Variants in CEP250 observed in about 807,000 individuals in gnomAD.
CEP250 encodes the protein centrosome-associated protein CEP250.
A neutral mutation model predicts 315.7 loss-of-function variants in CEP250; 242 were observed. The ratio of observed to expected loss-of-function variants is 0.77; its 90% CI spans 0.69 to 0.85. CEP250 has a LOEUF of 0.85. CEP250 is among the 40% of genes least tolerant of loss of function. The probability of loss-of-function intolerance (pLI) is 0.00; values close to 1 mark genes in which losing one functional copy is unlikely to be tolerated. For missense variants in CEP250, 2,515 were observed against 2,886.4 expected (o/e 0.87, Z 2.95); for synonymous variants, 1,088 against 1,175.0 (o/e 0.93, Z 1.51).
At position 35,504,845 on chromosome 20, in the gene CEP250, T is replaced by G; in HGVS notation, c.6476T>G (p.Leu2159Arg). ...GAGCTGGAGCGGCTACAGGCAGCCC[T>G]GAGACAGACAGAAGCCAGGGAGATT... Reference protein sequence around the residue: ...QRELERLQAALRQTEAREIEW... With the variant: ...QRELERLQAARRQTEAREIEW... The change falls in exon 30 of 35, where the codon CTG becomes CGG. Residue 2159 changes from leucine to arginine, a missense_variant. Physicochemically the swap from Leu to Arg is moderately radical, Grantham distance 102. Transcript: ENST00000397527. 1 of 1,614,178 alleles carries G rather than the reference T, an allele frequency of 6.2e-7. No homozygotes were observed. The highest frequency in any genetic ancestry group is 1.7e-5 in the Admixed American group (1 of 60,028).
Position 35,474,029 on chromosome 20 carries a change from G to T in CEP250, c.1548G>T (p.Leu516=). ...QKEEQQEELH[L]AVRERERLQE... is the part of the protein sequence containing the mutation. The stretch of plus-strand genomic sequence containing the variant: ...AGGAACAGCAGGAGGAGCTGCACCT[G>T]GCTGTCCGGGAGAGGGAGCGTCTGT... The change falls in exon 14 of 35, where the codon CTG becomes CTT. Residue 516 remains leucine (L), a synonymous_variant. Transcript: ENST00000397527. 6.3e-7 allele frequency: 1 copy of T among 1,581,726 alleles called. No individual in the cohort carries two copies. Among genetic ancestry groups the T allele is most frequent in the Non-Finnish European group, 8.6e-7 (1 of 1,167,070 alleles).
intron 6 of CEP250, 99 bp downstream of exon 6, chr20:35,465,924 T>C: frequency 1.3e-6 from 2 of 1,527,462 alleles, no homozygotes; most frequent in Non-Finnish European, 1.8e-6. Context: ...ACTTCAGCCA[T>C]AGCCCTCTAA....
At chr20:35,472,554 C>T (rs757752796) in intron 11 of CEP250, 119 bp from the exon 12 acceptor site, 66 of 1,044,906 alleles carry the variant, frequency 6.3e-5, no homozygotes, top group Non-Finnish European at 9.2e-5. Flanking sequence ...CCCTCCTTCC[C>T]CCAGGGGAGA....
chr20:35,482,437 C>T (rs962034205), intron 20 of CEP250, among the ~76,000 whole-genome samples: 4 of 150,550 alleles, frequency 2.7e-5, no homozygotes, highest in African/African-American at 7.5e-5. Context: ...TTTTTGTATT[C>T]ACCGTGTTAG....
intron 1 of CEP250, among the ~76,000 whole-genome samples, chr20:35,456,267 G>T (rs767016447): frequency 1.3e-5 from 2 of 152,212 alleles, no homozygotes; most frequent in African/African-American, 2.4e-5. Flanking sequence ...TACCCATGAA[G>T]AAACTGAGGT....
In CEP250 at chr20:35,476,490, C is replaced by A. The variant is rs2063177658; in HGVS notation, c.1758C>A (p.Thr586=). 1 of 1,613,850 alleles carries A rather than the reference C, an allele frequency of 6.2e-7. No homozygotes were observed. Among genetic ancestry groups the A allele is most frequent in the African/African-American group, 1.3e-5 (1 of 74,874 alleles). Reference sequence around the variant, plus strand: ...CAGAGCTGTCGAGTTCTGAAAACACCCTGAAGACAGAAGTAGCTGATCTTC... The same window carrying A: ...CAGAGCTGTCGAGTTCTGAAAACACACTGAAGACAGAAGTAGCTGATCTTC... ...SIAELSSSEN[T]LKTEVADLRA... The change falls in exon 16 of 35, where the codon ACC becomes ACA. Residue 586 remains threonine, a synonymous_variant. Transcript: ENST00000397527.
At chr20:35,476,325 C>T (rs2063172696) in intron 15 of CEP250, 124 bp from the exon 16 acceptor site, 4 of 825,730 alleles carry the variant, frequency 4.8e-6, no homozygotes, top group South Asian at 1.8e-5. Context: ...GTTTAGAATG[C>T]AGGAGAGGGA....
intron 20 of CEP250, 150 bp from the exon 21 acceptor site, chr20:35,490,487 G>C: frequency 3.8e-6 from 2 of 522,186 alleles, no homozygotes; most frequent in Non-Finnish European, 6.5e-6. Context: ...GGGAATATTA[G>C]CCTTGCTTTA....
chr20:35,498,262 T>C (rs567718873), intron 26 of CEP250, among the ~76,000 whole-genome samples, 195 bp downstream of exon 26: 1 of 152,376 alleles, frequency 6.6e-6, no homozygotes, highest in South Asian at 2.1e-4. Context: ...ACCTGTCCTC[T>C]CTGAGCTTGA....
In CEP250 at chr20:35,504,850, C is replaced by T. The variant is rs1310815078; in HGVS notation, c.6481C>T (p.Gln2161Ter). 6.2e-7 allele frequency: 1 copy of T among 1,614,210 alleles called. No individual in the cohort carries two copies. ...GGAGCGGCTACAGGCAGCCCTGAGA[C>T]AGACAGAAGCCAGGGAGATTGAGTG... is the stretch of plus-strand genomic sequence containing the variant. ...ELERLQAALRQTEAREIEWRE... is the reference protein window; with the variant it reads ...ELERLQAALR The change falls in exon 30 of 35, where the codon CAG becomes TAG. Residue 2161 changes from glutamine to a stop codon, truncating the protein, a stop_gained. Coordinates refer to ENST00000397527, the MANE Select transcript of CEP250 (RefSeq NM_007186.6). LOFTEE classifies it high-confidence loss of function.
chr20:35,501,286 G>A (rs939019604), intron 28 of CEP250, among the ~76,000 whole-genome samples: 1 of 152,082 alleles, frequency 6.6e-6, no homozygotes. Flanking sequence ...GCAGTGAGCC[G>A]AGATTGTGCC....
chr20:35,497,785 C>T lies in CEP250; in HGVS notation c.3373C>T (p.Leu1125=). Residue 1125 remains leucine, a synonymous_variant, in exon 26 of 35, where the codon CTG becomes TTG. Coordinates refer to ENST00000397527, the MANE Select transcript of CEP250 (RefSeq NM_007186.6). The part of the protein sequence containing the change: ...ADFLAQEAQL[L]EELEASHITE... ...CTTTCTGGCCCAGGAAGCACAGCTG[C>T]TGGAGGAGCTGGAGGCGTCTCATAT... The T allele has an allele frequency of 6.4e-7, 1 of 1,559,852 alleles. No homozygotes were observed. Among genetic ancestry groups the T allele is most frequent in the Non-Finnish European group, 8.7e-7 (1 of 1,151,390 alleles).
chr20:35,508,842 C>T, intron 32 of CEP250, 101 bp from the exon 33 acceptor site: 1 of 907,610 alleles, frequency 1.1e-6, no homozygotes, highest in Non-Finnish European at 1.7e-6. Context: ...TTACTGTCCC[C>T]TCATATACCT....
rs745566467 is a variant in CEP250 at position 35,472,788 on chromosome 20, C to G, written c.1166C>G (p.Thr389Ser). 1.2e-6 allele frequency: 2 copies of G among 1,614,198 alleles called. No homozygotes were observed. Among genetic ancestry groups the G allele is most frequent in the Non-Finnish European group, 1.7e-6 (2 of 1,180,026 alleles). The change falls in exon 12 of 35, where the codon ACT (threonine) becomes AGT (serine). Residue 389 changes from threonine (T) to serine (S), a missense_variant. Physicochemically the swap from Thr to Ser is moderately conservative, Grantham distance 58. Transcript: ENST00000397527. ...TACCAGGATGCAGACAAGGCTCTTA[C>G]TCTGGTGCGTTCAGTGCTGACTCGG... The part of the protein sequence containing the change: ...FDYQDADKAL[T>S]LVRSVLTRRR...
chr20:35,502,367 T>A, intron 29 of CEP250, 23 bp from the exon 30 acceptor site: 1 of 1,584,418 alleles, frequency 6.3e-7, no homozygotes, highest in Non-Finnish European at 8.6e-7. Context: ...TAGTCTAAAG[T>A]GGCTTTTCAT....
At position 35,502,716 on chromosome 20, in the gene CEP250, G is replaced by T. The variant is rs758304781; in HGVS notation, c.4347G>T (p.Lys1449Asn). The change falls in exon 30 of 35, where the codon AAG becomes AAT. Residue 1449 changes from lysine (K) to asparagine (N), a missense_variant. Transcript: ENST00000397527. ...GGGGACAAATCCAGGAACTGGAGAA[G>T]CAACGGGAAATGCAGAAGGCTGCTT... ...TLRGQIQELE[K>N]QREMQKAALE... 1.1e-5 allele frequency: 18 copies of T among 1,614,254 alleles called. 1 individual carries two copies. In the South Asian group the frequency reaches 2.0e-4, roughly 18 times the overall value.
intron 28 of CEP250, 82 bp from the exon 29 acceptor site, chr20:35,501,763 T>C: frequency 4.2e-6 from 6 of 1,436,734 alleles, no homozygotes; most frequent in Non-Finnish European, 5.6e-6. Flanking sequence ...TTCCCCATCC[T>C]CCATCTGCCT....
intron 7 of CEP250, 60 bp from the exon 8 acceptor site, chr20:35,466,906 T>C (rs1184506987): frequency 1.9e-6 from 2 of 1,071,826 alleles, no homozygotes; most frequent in Non-Finnish European, 2.9e-6. Flanking sequence ...TCCAAGACTC[T>C]TGTGTTGGCA....
intron 24 of CEP250, 59 bp downstream of exon 24, chr20:35,494,716 A>G (rs1307962536): frequency 6.3e-7 from 1 of 1,597,680 alleles, no homozygotes; most frequent in Non-Finnish European, 8.5e-7. Context: ...GGTCACTGTG[A>G]TATTGACAGT....
Sources: allele counts gnomAD v4.1 joint callset (sites outside exome capture counted in the v4.1 genomes callset), GRCh38; gene constraint gnomAD v4.1.1; transcripts MANE v1.5; gene names NCBI Gene and HGNC (gene_info 2026-07-23, HGNC 2026-07-21).